ILKAP: variants seen among roughly 807,000 people sequenced by gnomAD.
ILKAP encodes the protein ILK associated serine/threonine phosphatase.
A neutral mutation model predicts 49.1 loss-of-function variants in ILKAP; 11 were observed. The observed-to-expected ratio is 0.22, with a 90% CI of 0.14 to 0.37. The LOEUF is 0.37. Among genes scored for constraint, ILKAP ranks in the 10% least tolerant of loss-of-function variants. ILKAP has a pLI of 1.00. For synonymous variants in ILKAP, 186 were observed against 192.8 expected, an observed-to-expected ratio of 0.96 and a Z score of 0.29; for missense variants, 363 against 510.8, an observed-to-expected ratio of 0.71 and a Z score of 2.79.
intron 9 of ILKAP, among the ~76,000 whole-genome samples, chr2:238,177,316 T>G (rs1047738969): frequency 6.6e-6 from 1 of 152,240 alleles, no homozygotes; most frequent in Non-Finnish European, 1.5e-5. Flanking sequence ...TTTTTTATTG[T>G]GGTAAAATAT....
chr2:238,185,108 C>A, intron 6 of ILKAP, 73 bp downstream of exon 6: 1 of 913,788 alleles, frequency 1.1e-6, no homozygotes, highest in Non-Finnish European at 1.8e-6. Context: ...AATAACACAT[C>A]TGACTGCTTC....
chr2:238,176,377 C>T (rs185595100), intron 9 of ILKAP, among the ~76,000 whole-genome samples: 7 of 152,268 alleles, frequency 4.6e-5, no homozygotes, highest in East Asian at 1.9e-4. Flanking sequence ...GTGATCCACC[C>T]GCCTTGGCCC....
intron 9 of ILKAP, among the ~76,000 whole-genome samples, chr2:238,175,376 A>G (rs1372677895): frequency 6.6e-6 from 1 of 152,170 alleles, no homozygotes; most frequent in East Asian, 1.9e-4. Context: ...TTACAGGCGT[A>G]ATGTGGCCTC....
chr2:238,178,561 G>A (rs1299492565), intron 9 of ILKAP, among the ~76,000 whole-genome samples: 1 of 152,144 alleles, frequency 6.6e-6, no homozygotes, highest in African/African-American at 2.4e-5. Context: ...AAGATTTCTA[G>A]CATTAAGAGA....
At chr2:238,195,646 C>T (rs949157886) in intron 1 of ILKAP, among the ~76,000 whole-genome samples, 1 of 152,150 alleles carries the variant, frequency 6.6e-6, no homozygotes, top group African/African-American at 2.4e-5. Context: ...ACACAAGAAT[C>T]CAAGTTGAAA....
intron 1 of ILKAP, among the ~76,000 whole-genome samples, chr2:238,202,296 A>G (rs776476405): frequency 6.6e-6 from 1 of 152,188 alleles, no homozygotes; most frequent in African/African-American, 2.4e-5. Context: ...TGGAAGCTCA[A>G]TTCAAACACT....
At chr2:238,176,370 A>G (rs1027356477) in intron 9 of ILKAP, among the ~76,000 whole-genome samples, 3 of 151,922 alleles carry the variant, frequency 2.0e-5, no homozygotes, top group African/African-American at 7.3e-5. Context: ...TGACCTCGTG[A>G]TCCACCCGCC....
At chr2:238,191,179 T>C (rs1283112811) in intron 3 of ILKAP, among the ~76,000 whole-genome samples, 1 of 151,684 alleles carries the variant, frequency 6.6e-6, no homozygotes, top group African/African-American at 2.4e-5. Context: ...AGACGGAGTC[T>C]ACTCTGTCGC....
intron 10 of ILKAP, 116 bp downstream of exon 10, chr2:238,173,418 C>T (rs980782493): frequency 4.4e-6 from 6 of 1,351,030 alleles, no homozygotes; most frequent in African/African-American, 4.4e-5. Context: ...TCTGCACCCC[C>T]AGGGCCTAGC....
chr2:238,193,272 G>A lies in ILKAP; in HGVS notation c.178+1003C>T, dbSNP rs541596439. Among the ~76,000 whole-genome samples, 3 of 152,238 alleles carry A rather than the reference G, an allele frequency of 2.0e-5. 1 individual carries two copies. Among genetic ancestry groups the A allele is most frequent in the South Asian group, 2.1e-4 (1 of 4,824 alleles). On this transcript the variant is annotated intron_variant, in intron 3 of 11. Coordinates refer to ENST00000254654, the MANE Select transcript of ILKAP (RefSeq NM_030768.3). ...GTCTTTCTCTGTCACCCAGGCTGGA[G>A]TGCAATGGCGTGATCTCAGCTCACT... is the stretch of plus-strand genomic sequence containing the variant.
In ILKAP at chr2:238,170,683, G is replaced by C; in HGVS notation, c.1039-7C>G. On this transcript the variant is annotated splice_polypyrimidine_tract_variant and splice_region_variant and intron_variant, in intron 11 of 11. Transcript: ENST00000254654. Reference sequence around the variant, plus strand: ...GGGTCTGGATCTTTTCATCCTACCAGATGAGAAAGGGAATGAGTGAATGGA... The same window carrying C: ...GGGTCTGGATCTTTTCATCCTACCACATGAGAAAGGGAATGAGTGAATGGA... The C allele has an allele frequency of 6.3e-7, 1 of 1,594,566 alleles. No homozygotes were observed. The highest frequency in any genetic ancestry group is 8.6e-7 in the Non-Finnish European group (1 of 1,165,630).
Position 238,203,573 on chromosome 2 carries a change from C to T in ILKAP, c.-20G>A. 2 of 1,149,526 alleles carry T rather than the reference C, an allele frequency of 1.7e-6. No individual in the cohort carries two copies. The highest frequency in any genetic ancestry group is 1.6e-5 in the African/African-American group (1 of 60,896). The allele number at this position is 1,149,526 out of a possible 1,614,324, so 71.2% of individuals were successfully genotyped here. A position where few individuals can be genotyped will look rare whatever the true frequency, so the allele number is the denominator to read the frequency against. On this transcript the variant is annotated 5_prime_UTR_variant, in exon 1 of 12. Coordinates refer to ENST00000254654, the MANE Select transcript of ILKAP (RefSeq NM_030768.3). Reference sequence around the variant, plus strand: ...GTCCATGGCGGAGGCTGGGTGGAGGCGGCAGCAGCGACAGACACTCAGCCC... The same window carrying T: ...GTCCATGGCGGAGGCTGGGTGGAGGTGGCAGCAGCGACAGACACTCAGCCC...
intron 1 of ILKAP, 64 bp from the exon 2 acceptor site, chr2:238,194,934 G>A: frequency 7.6e-7 from 1 of 1,314,894 alleles, no homozygotes; most frequent in Non-Finnish European, 1.1e-6. Flanking sequence ...TTTCAAAGAG[G>A]AAGATCATGT....
At chr2:238,197,220 A>G (rs1262255573) in intron 1 of ILKAP, among the ~76,000 whole-genome samples, 1 of 152,224 alleles carries the variant, frequency 6.6e-6, no homozygotes, top group African/African-American at 2.4e-5. Context: ...AGTATTTAGG[A>G]TAACCATTAC....
intron 9 of ILKAP, 51 bp from the exon 10 acceptor site, chr2:238,173,704 C>T (rs1463950645): frequency 1.3e-6 from 2 of 1,584,342 alleles, no homozygotes; most frequent in Non-Finnish European, 1.7e-6. Flanking sequence ...ATTATGGGTC[C>T]ACAGTACTTA....
At chr2:238,178,053 T>C (rs961082184) in intron 9 of ILKAP, among the ~76,000 whole-genome samples, 3 of 152,180 alleles carry the variant, frequency 2.0e-5, no homozygotes, top group African/African-American at 7.2e-5. Flanking sequence ...ACTAATAATA[T>C]TAATAACCAA....
chr2:238,172,781 C>A (rs757616746), intron 10 of ILKAP, among the ~76,000 whole-genome samples: 3 of 152,200 alleles, frequency 2.0e-5, no homozygotes, highest in East Asian at 1.9e-4. Flanking sequence ...GTGTCTCTGG[C>A]CTCCCCTCAT....
At chr2:238,197,295 T>C (rs1198143606) in intron 1 of ILKAP, among the ~76,000 whole-genome samples, 2 of 152,140 alleles carry the variant, frequency 1.3e-5, no homozygotes, top group Non-Finnish European at 2.9e-5. Context: ...TGCCCAAACA[T>C]TGGGTCTAAC....
chr2:238,176,679 AG>A (rs1693474291), intron 9 of ILKAP, among the ~76,000 whole-genome samples: 2 of 152,288 alleles, frequency 1.3e-5, no homozygotes, highest in Non-Finnish European at 2.9e-5. Flanking sequence ...AGAGAGAGAG[AG>A]ACTGGGTGAG....
Sources: gnomAD v4.1 joint callset for allele counts (sites outside exome capture counted in the v4.1 genomes callset) on GRCh38, gnomAD v4.1.1 for gene constraint, MANE v1.5 for transcripts, NCBI Gene and HGNC (gene_info 2026-07-23, HGNC 2026-07-21) for gene names.